The following COL4A2 variants were observed in gnomAD, a reference collection of about 807,000 sequenced individuals.
COL4A2 encodes the protein collagen alpha-2(IV) chain.
In COL4A2, 99 loss-of-function variants were observed where a neutral mutation model predicts 200.2. That is an observed-to-expected ratio of 0.49 (90% confidence interval 0.42 to 0.58). The LOEUF (loss-of-function observed/expected upper bound fraction) is 0.58. Among genes scored for constraint, COL4A2 ranks in the 20% least tolerant of loss-of-function variants. The pLI is 0.00. For synonymous variants in COL4A2, 897 were observed against 900.6 expected (o/e 1.00, Z 0.07); for missense variants, 1,950 against 2,314.1 (o/e 0.84, Z 3.23).
chr13:110,491,928 G>A (rs1047741084), intron 37 of COL4A2, 142 bp from the exon 38 acceptor site: 2 of 643,274 alleles, frequency 3.1e-6, no homozygotes, highest in East Asian at 5.6e-5. Context: ...TTGAGGGACA[G>A]TTCTAATCTC....
intron 4 of COL4A2, among the ~76,000 whole-genome samples, chr13:110,366,906 C>A (rs1877780255): frequency 6.6e-6 from 1 of 152,216 alleles, no homozygotes; most frequent in Admixed American, 6.5e-5. Flanking sequence ...GCATCTCACC[C>A]AAATGAGTTC....
At chr13:110,322,665 G>A (rs886452027) in intron 3 of COL4A2, among the ~76,000 whole-genome samples, 7 of 152,212 alleles carry the variant, frequency 4.6e-5, no homozygotes, top group South Asian at 2.1e-4. Flanking sequence ...TGGTACTGGG[G>A]TCAGAAGATG....
rs7984100 is a variant in COL4A2 at position 110,438,577 on chromosome 13, G to T, written c.862-41G>T. 2,629 of 1,612,554 alleles carry T rather than the reference G, an allele frequency of 1.6e-3. 26 individuals carry two copies. The African/African-American group carries it at 0.022, about 14-fold the overall frequency. On this transcript the variant is annotated intron_variant, in intron 14 of 47. Coordinates refer to ENST00000360467, the MANE Select transcript of COL4A2 (RefSeq NM_001846.4). ...GTGGGCCCTGTTGGCTGGAGGGGCC[G>T]CCCCTGGGTTGCTCCTTACGCCCCC... is the stretch of plus-strand genomic sequence containing the variant.
intron 4 of COL4A2, among the ~76,000 whole-genome samples, chr13:110,391,760 C>T (rs897462048): frequency 6.6e-6 from 1 of 152,192 alleles, no homozygotes; most frequent in African/African-American, 2.4e-5. Context: ...GTCACATGAT[C>T]ATTGGTCCCC....
intron 4 of COL4A2, among the ~76,000 whole-genome samples, chr13:110,411,373 A>G (rs771373437): frequency 3.9e-5 from 6 of 152,258 alleles, no homozygotes; most frequent in Non-Finnish European, 7.3e-5. Flanking sequence ...GAGAAAGCAT[A>G]GGTTATGTCT....
chr13:110,453,278 G>A (rs1043097094), intron 20 of COL4A2, among the ~76,000 whole-genome samples: 6 of 152,136 alleles, frequency 3.9e-5, no homozygotes, highest in East Asian at 1.9e-4. Flanking sequence ...GAGGGGGGCC[G>A]ATCACCTGAG....
intron 38 of COL4A2, 123 bp from the exon 39 acceptor site, chr13:110,493,062 CGATGAGTGACACCCCCATGGGTGAAA>C: frequency 6.2e-5 from 54 of 865,984 alleles, no homozygotes; most frequent in South Asian, 1.7e-4. Flanking sequence ...GGTGAAATAA[CGATGAGTGACACCCCCATGGGTGAAA>C]TAACGATGAG....
intron 24 of COL4A2, chr13:110,462,961 C>T (rs1236607978): frequency 1.3e-5 from 2 of 154,918 alleles, no homozygotes; most frequent in Middle Eastern, 5.1e-4. Context: ...ACCTTGCAAC[C>T]TTATTTCTCA....
rs545600458 is a variant in COL4A2 at position 110,413,362 on chromosome 13, G to A, written c.181-11372G>A. 1.1e-4 allele frequency among the ~76,000 whole-genome samples: 17 copies of A among 152,272 alleles called. No individual in the cohort carries two copies. The East Asian group carries it at 3.1e-3, about 28-fold the overall frequency. ...TGGTCCCTACCTCCAAGGGCCTCGCGGTCTCACGTGAAATGTGGGTACAGA... is the reference window on the plus strand; with the variant it reads ...TGGTCCCTACCTCCAAGGGCCTCGCAGTCTCACGTGAAATGTGGGTACAGA... On this transcript the variant is annotated intron_variant, in intron 4 of 47. Transcript: ENST00000360467.
chr13:110,441,598 C>A (rs554061833), intron 16 of COL4A2, among the ~76,000 whole-genome samples: 3 of 152,282 alleles, frequency 2.0e-5, no homozygotes, highest in Admixed American at 6.5e-5. Flanking sequence ...GCACCCCACC[C>A]AGAGGCCACA....
chr13:110,326,903 G>A (rs968224192), intron 3 of COL4A2, among the ~76,000 whole-genome samples: 4 of 152,240 alleles, frequency 2.6e-5, no homozygotes, highest in South Asian at 2.1e-4. Context: ...GCTCAAGAGC[G>A]TGACCACTTT....
chr13:110,339,226 T>C (rs1194142930), intron 3 of COL4A2, among the ~76,000 whole-genome samples: 2 of 152,246 alleles, frequency 1.3e-5, no homozygotes, highest in Non-Finnish European at 2.9e-5. Flanking sequence ...TTACCTTTTG[T>C]GCAGAAAGCC....
chr13:110,342,149 T>G (rs546539902), intron 3 of COL4A2, among the ~76,000 whole-genome samples: 22 of 152,342 alleles, frequency 1.4e-4, no homozygotes, highest in Admixed American at 1.0e-3. Context: ...AGCTACTCAT[T>G]GAATTTTTTA....
At chr13:110,405,080 G>A (rs1354540920) in intron 4 of COL4A2, among the ~76,000 whole-genome samples, 3 of 152,108 alleles carry the variant, frequency 2.0e-5, no homozygotes, top group Non-Finnish European at 4.4e-5. Context: ...ATGCCACTGC[G>A]TTCCAGCCTG....
intron 4 of COL4A2, among the ~76,000 whole-genome samples, chr13:110,373,348 G>A (rs1164689978): frequency 6.6e-6 from 1 of 152,190 alleles, no homozygotes; most frequent in African/African-American, 2.4e-5. Context: ...TTAGTAGCAA[G>A]TACAAATCTT....
intron 4 of COL4A2, among the ~76,000 whole-genome samples, chr13:110,421,466 G>A (rs1880248897): frequency 1.3e-5 from 2 of 152,210 alleles, no homozygotes; most frequent in Admixed American, 6.5e-5. Flanking sequence ...ACTAAAAGAA[G>A]CCAGACACAA....
At chr13:110,308,264 C>A in intron 3 of COL4A2, 141 bp downstream of exon 3, 1 of 906,766 alleles carries the variant, frequency 1.1e-6, no homozygotes, top group South Asian at 1.5e-5. Context: ...CACCAAGGTT[C>A]TGAGAAAGCT....
At chr13:110,499,754 CA>C (rs1883581128) in intron 40 of COL4A2, among the ~76,000 whole-genome samples, 2 of 152,214 alleles carry the variant, frequency 1.3e-5, no homozygotes, top group African/African-American at 4.8e-5. Context: ...TAGATTCCAG[CA>C]AACTGACTCA....
intron 32 of COL4A2, 65 bp from the exon 33 acceptor site, chr13:110,484,840 T>C: frequency 6.6e-7 from 1 of 1,511,776 alleles, no homozygotes; most frequent in Non-Finnish European, 8.9e-7. Flanking sequence ...GGACCAGGCC[T>C]TCACCTGTGT....
Sources: gnomAD v4.1 joint callset for allele counts (sites outside exome capture counted in the v4.1 genomes callset) on GRCh38, gnomAD v4.1.1 for gene constraint, MANE v1.5 for transcripts, NCBI Gene and HGNC (gene_info 2026-07-23, HGNC 2026-07-21) for gene names.